KIF13B: variants seen among roughly 807,000 people sequenced by gnomAD.
The protein encoded by KIF13B is kinesin-like protein KIF13B.
Under a neutral mutation model 222.0 loss-of-function variants are expected in KIF13B, and 127 were observed. The observed-to-expected ratio is 0.57, with a 90% CI of 0.50 to 0.66. The LOEUF is 0.66. Ranked by LOEUF, KIF13B falls within the 30% of genes least tolerant of loss-of-function variation. The probability of loss-of-function intolerance (pLI) is 0.00; values close to 1 mark genes in which losing one functional copy is unlikely to be tolerated. For synonymous variants in KIF13B, 976 were observed against 919.0 expected, an observed-to-expected ratio of 1.06 and a Z score of -1.12; for missense variants, 2,173 against 2,379.0, an observed-to-expected ratio of 0.91 and a Z score of 1.80.
chr8:29,255,473 G>A (rs565864492), intron 1 of KIF13B, among the ~76,000 whole-genome samples: 35 of 151,972 alleles, frequency 2.3e-4, no homozygotes, highest in Non-Finnish European at 4.4e-4. Flanking sequence ...AAATTCCTGG[G>A]CTTTCCCATT....
rs78179178 is a variant in KIF13B, at chr8:29,147,802, C to T, written c.1814-200G>A. On this transcript the variant is annotated intron_variant, in intron 16 of 39. Coordinates refer to ENST00000524189, the MANE Select transcript of KIF13B (RefSeq NM_015254.4). ...CTCAGACATATCCTCAACCATCTTC[C>T]CTGCAGAAAAAGCAGGTCTATTATA... 7.8e-3 allele frequency among the ~76,000 whole-genome samples: 1,194 copies of T among 152,216 alleles called. 13 individuals carry two copies. The highest frequency in any genetic ancestry group is 0.028 in the African/African-American group (1,145 of 41,522).
At chr8:29,256,999 C>G (rs1284570770) in intron 1 of KIF13B, among the ~76,000 whole-genome samples, 1 of 152,182 alleles carries the variant, frequency 6.6e-6, no homozygotes, top group African/African-American at 2.4e-5. Flanking sequence ...AAGTGATCCA[C>G]CCACCTCGGC....
chr8:29,113,890 C>T (rs938612003), intron 31 of KIF13B, among the ~76,000 whole-genome samples: 1 of 152,154 alleles, frequency 6.6e-6, no homozygotes, highest in Non-Finnish European at 1.5e-5. Context: ...AATAAAATGA[C>T]CTTCTAACTA....
rs1429933086 is a variant in KIF13B, at chr8:29,167,313, C to G, written c.1158+60G>C. Reference sequence around the variant, plus strand: ...CCTCACAGCCCAGGGGAAGGAAATTCAAGCTCTAGGCTGATTCCTCTTCCT... The same window carrying G: ...CCTCACAGCCCAGGGGAAGGAAATTGAAGCTCTAGGCTGATTCCTCTTCCT... On this transcript the variant is annotated intron_variant, in intron 11 of 39. Transcript: ENST00000524189. 3 of 1,419,732 alleles carry G rather than the reference C, an allele frequency of 2.1e-6. No individual in the cohort carries two copies. The Admixed American group carries it at 5.6e-5, about 27-fold the overall frequency. 87.9% of individuals were successfully genotyped at this position (1,419,732 alleles called of 1,614,324 possible).
chr8:29,232,291 A>T (rs538676121), intron 2 of KIF13B, among the ~76,000 whole-genome samples: 1 of 151,212 alleles, frequency 6.6e-6, no homozygotes, highest in Non-Finnish European at 1.5e-5. Context: ...AAAAATAAAT[A>T]AAAATTTAAA....
At chr8:29,215,215 AAG>A (rs1814419387) in intron 2 of KIF13B, among the ~76,000 whole-genome samples, 1 of 151,788 alleles carries the variant, frequency 6.6e-6, no homozygotes, top group South Asian at 2.1e-4. Context: ...GTATGTGGGG[AAG>A]GGGAGGGAAG....
Position 29,118,953 on chromosome 8 carries a change from T to C in KIF13B, c.3575A>G (p.Glu1192Gly). Residue 1192 changes from glutamate to glycine, a missense_variant, in exon 30 of 40, where the codon GAA becomes GGA. Physicochemically the swap from Glu to Gly is moderately conservative, Grantham distance 98. This residue lies in a region of KIF13B where 1,480 missense variants were observed against 1,722.8 expected (regional missense o/e 0.86). Coordinates refer to ENST00000524189, the MANE Select transcript of KIF13B (RefSeq NM_015254.4). ...CAAGGTCGCATCCCATCCACCAGCTTCTGGGTCATCAAGATTATCCTGAGA... is the reference window on the plus strand; with the variant it reads ...CAAGGTCGCATCCCATCCACCAGCTCCTGGGTCATCAAGATTATCCTGAGA... ...FSSQDNLDDP[E>G]AGGWDATLTG... 6.2e-7 allele frequency: 1 copy of C among 1,613,888 alleles called. No individual in the cohort carries two copies. The highest frequency in any genetic ancestry group is 8.5e-7 in the Non-Finnish European group (1 of 1,179,796).
chr8:29,077,484 A>G (rs6999630), intron 37 of KIF13B, among the ~76,000 whole-genome samples: 67,021 of 152,180 alleles, frequency 0.44, 16,151 homozygotes, highest in Non-Finnish European at 0.56. Context: ...TCAAACTCCA[A>G]AATACTTGCA....
intron 14 of KIF13B, among the ~76,000 whole-genome samples, chr8:29,154,585 C>T (rs1264689618): frequency 2.6e-5 from 4 of 152,140 alleles, no homozygotes; most frequent in Non-Finnish European, 4.4e-5. Context: ...CAGGCTAGAA[C>T]AGAATAACGC....
chr8:29,153,395 C>T (rs1811383821), intron 14 of KIF13B, among the ~76,000 whole-genome samples: 1 of 152,134 alleles, frequency 6.6e-6, no homozygotes, highest in Non-Finnish European at 1.5e-5. Flanking sequence ...TGATCACATC[C>T]TATCAATATA....
chr8:29,070,868 C>T lies in KIF13B; in HGVS notation c.5219-102G>A, dbSNP rs1807238043. The T allele has an allele frequency of 1.7e-5, 21 of 1,264,924 alleles. No homozygotes were observed. Among genetic ancestry groups the T allele is most frequent in the Non-Finnish European group, 2.3e-5 (21 of 902,214 alleles). The allele number at this position is 1,264,924 out of a possible 1,614,324, so 78.4% of individuals were successfully genotyped here. A position where few individuals can be genotyped will look rare whatever the true frequency, so the allele number is the denominator to read the frequency against. On this transcript the variant is annotated intron_variant, in intron 39 of 39. Coordinates refer to ENST00000524189, the MANE Select transcript of KIF13B (RefSeq NM_015254.4). The surrounding 1 kb of genome is among the most constrained non-coding windows in gnomAD (Gnocchi z 4.1). ...AGGCCATGTGCCCACACTGCCACCC[C>T]CCCGCACAGGCCCTACACAGCCAGC... is the stretch of plus-strand genomic sequence containing the variant.
intron 38 of KIF13B, among the ~76,000 whole-genome samples, chr8:29,073,618 T>G (rs761828437): frequency 8.5e-5 from 13 of 152,102 alleles, no homozygotes; most frequent in Admixed American, 3.9e-4. Context: ...TATGGAAAAA[T>G]TATTTATATT....
intron 35 of KIF13B, among the ~76,000 whole-genome samples, chr8:29,102,995 C>A (rs997734257): frequency 2.0e-5 from 3 of 152,156 alleles, no homozygotes; most frequent in African/African-American, 4.8e-5. Context: ...GTAATCCCAG[C>A]ACTTTGGGAA....
In KIF13B at chr8:29,071,827, G is replaced by A. The variant is rs1173415987; in HGVS notation, c.5011C>T (p.Pro1671Ser). Residue 1671 changes from proline to serine, a missense_variant, in exon 39 of 40, where the codon CCG becomes TCG. Physicochemically the swap from Pro to Ser is moderately conservative, Grantham distance 74 (BLOSUM62 -1). This residue lies in a region of KIF13B where 693 missense variants were observed against 656.2 expected (regional missense o/e 1.06). Coordinates refer to ENST00000524189, the MANE Select transcript of KIF13B (RefSeq NM_015254.4). This position sits in a 1 kb window ranked among gnomAD's most constrained non-coding sequence, Gnocchi z 4.9. ...GCCGGCGCATTCCCCTCGGCCCCCGGGGAGCAGCCGGGGTCCCCAGCCAGC... is the reference window on the plus strand; with the variant it reads ...GCCGGCGCATTCCCCTCGGCCCCCGAGGAGCAGCCGGGGTCCCCAGCCAGC... The part of the protein sequence containing the change: ...RMLAGDPGCS[P>S]GAEGNAPAPG... The A allele has an allele frequency of 1.3e-5, 20 of 1,541,528 alleles. No individual in the cohort carries two copies. The highest frequency in any genetic ancestry group is 2.6e-6 in the Non-Finnish European group (3 of 1,146,032).
chr8:29,262,810 G>C (rs1486701338), intron 1 of KIF13B, among the ~76,000 whole-genome samples, 170 bp downstream of exon 1: 1 of 151,106 alleles, frequency 6.6e-6, no homozygotes, highest in Admixed American at 6.6e-5. Flanking sequence ...GGAGAAGAGG[G>C]AGCCGGGCGT....
Position 29,176,320 on chromosome 8 carries a change from A to G in KIF13B, c.834-141T>C, listed in dbSNP as rs142947149. ...TCAGCATTTTGCCGCTCAGTTCAAA[A>G]GCACACAACTCAAAATAGTTATTTT... On this transcript the variant is annotated intron_variant, in intron 9 of 39. Coordinates refer to ENST00000524189, the MANE Select transcript of KIF13B (RefSeq NM_015254.4). 2,280 of 608,732 alleles carry G rather than the reference A, an allele frequency of 3.7e-3. 7 individuals carry two copies. Among genetic ancestry groups the G allele is most frequent in the East Asian group, 9.1e-3 (328 of 36,004 alleles). The allele number at this position is 608,732 out of a possible 1,614,324, so 37.7% of individuals were successfully genotyped here. A position where few individuals can be genotyped will look rare whatever the true frequency, so the allele number is the denominator to read the frequency against.
intron 6 of KIF13B, among the ~76,000 whole-genome samples, chr8:29,183,355 T>C (rs1422693316): frequency 1.3e-5 from 2 of 152,112 alleles, no homozygotes; most frequent in African/African-American, 4.8e-5. Flanking sequence ...TTTTGCCATG[T>C]TGGCCAGGCT....
At chr8:29,099,297 A>C in intron 35 of KIF13B, 56 bp from the exon 36 acceptor site, 1 of 1,208,838 alleles carries the variant, frequency 8.3e-7, no homozygotes, top group Non-Finnish European at 1.2e-6. Flanking sequence ...ACCAAACAAA[A>C]AAAAATTACA....
chr8:29,089,016 C>A (rs550612616), intron 37 of KIF13B, among the ~76,000 whole-genome samples: 2 of 152,336 alleles, frequency 1.3e-5, no homozygotes, highest in South Asian at 4.1e-4. Context: ...AGCACTTCCA[C>A]CAACCTAGGA....
Sources: gnomAD v4.1 joint callset for allele counts (sites outside exome capture counted in the v4.1 genomes callset) on GRCh38, gnomAD v4.1.1 for gene constraint, gnomAD v4.1.1 regional missense constraint, Gnocchi (gnomAD v3.1) non-coding constraint, MANE v1.5 for transcripts, NCBI Gene and HGNC (gene_info 2026-07-23, HGNC 2026-07-21) for gene names.